The following MARCHF11 variants were observed in gnomAD, a reference collection of about 807,000 sequenced individuals.
The protein encoded by MARCHF11 is membrane associated ring-CH-type finger 11.
In MARCHF11, 29 loss-of-function variants were observed where a neutral mutation model predicts 37.3. The ratio of observed to expected loss-of-function variants is 0.78; its 90% CI spans 0.58 to 1.06. The LOEUF (loss-of-function observed/expected upper bound fraction) is 1.06. MARCHF11 is among the 50% of genes least tolerant of loss of function. The pLI is 0.00. For synonymous variants in MARCHF11, 233 were observed against 228.0 expected (o/e 1.02, Z -0.20); for missense variants, 482 against 533.4 (o/e 0.90, Z 0.95).
intron 2 of MARCHF11, among the ~76,000 whole-genome samples, chr5:16,153,532 A>C (rs1737921624): frequency 1.3e-5 from 2 of 152,016 alleles, no homozygotes; most frequent in African/African-American, 4.8e-5. Context: ...GAATGTAGAA[A>C]AGGTGGAATT....
At chr5:16,120,267 A>G (rs1477658970) in intron 2 of MARCHF11, among the ~76,000 whole-genome samples, 2 of 152,248 alleles carry the variant, frequency 1.3e-5, no homozygotes, top group African/African-American at 4.8e-5. Flanking sequence ...GCTTCCACTC[A>G]AGATGACTGA....
At chr5:16,072,752 G>T (rs563814301) in intron 3 of MARCHF11, among the ~76,000 whole-genome samples, 1 of 152,110 alleles carries the variant, frequency 6.6e-6, no homozygotes, top group Non-Finnish European at 1.5e-5. Context: ...TCAGGGGCTT[G>T]CATTTCCTGG....
At chr5:16,165,221 C>A (rs1385802512) in intron 2 of MARCHF11, among the ~76,000 whole-genome samples, 1 of 152,066 alleles carries the variant, frequency 6.6e-6, no homozygotes, top group Non-Finnish European at 1.5e-5. Flanking sequence ...TCTACCTGTT[C>A]TTGGCCTTCC....
At chr5:16,147,356 G>A (rs765434915) in intron 2 of MARCHF11, among the ~76,000 whole-genome samples, 3 of 152,148 alleles carry the variant, frequency 2.0e-5, no homozygotes, top group African/African-American at 2.4e-5. Context: ...ACCCCGTGAC[G>A]CAGTTACTAC....
chr5:16,119,428 C>T (rs1044498415), intron 2 of MARCHF11, among the ~76,000 whole-genome samples: 1 of 151,442 alleles, frequency 6.6e-6, no homozygotes, highest in African/African-American at 2.4e-5. Flanking sequence ...GAGCTTCCAA[C>T]AGAGCTGAGC....
At position 16,120,654 on chromosome 5, in the gene MARCHF11, G is replaced by A. The variant is rs73044653; in HGVS notation, c.694-29573C>T. Among the ~76,000 whole-genome samples the A allele has an allele frequency of 3.1e-3, 468 of 152,298 alleles. 1 individual carries two copies. The highest frequency in any genetic ancestry group is 9.7e-3 in the African/African-American group (405 of 41,572). On this transcript the variant is annotated intron_variant, in intron 2 of 3. Transcript: ENST00000332432. ...AGACTGCAAAACTGGCCACATGAGC[G>A]GCAGCTCCTCCCATCAAGAGCTGGA...
rs572217024 is a variant in MARCHF11 at position 16,160,275 on chromosome 5, T to C, written c.693+17451A>G. On this transcript the variant is annotated intron_variant, in intron 2 of 3. Coordinates refer to ENST00000332432, the MANE Select transcript of MARCHF11 (RefSeq NM_001102562.3). ...AATTTTATATTTTAATATATTTATATTAAATATTTAATATTTATATTTATA... is the reference window on the plus strand; with the variant it reads ...AATTTTATATTTTAATATATTTATACTAAATATTTAATATTTATATTTATA... Among the ~76,000 whole-genome samples, 417 of 145,538 alleles carry C rather than the reference T, an allele frequency of 2.9e-3. 3 individuals are homozygous for C. Among genetic ancestry groups the C allele is most frequent in the African/African-American group, 0.01 (409 of 40,472 alleles).
At chr5:16,092,624 C>A (rs566681857) in intron 2 of MARCHF11, among the ~76,000 whole-genome samples, 2 of 152,084 alleles carry the variant, frequency 1.3e-5, no homozygotes, top group Admixed American at 1.3e-4. Flanking sequence ...AGGACAAATA[C>A]CTAATGCCTG....
At position 16,117,400 on chromosome 5, in the gene MARCHF11, T is replaced by C. The variant is rs150573669; in HGVS notation, c.694-26319A>G. Among the ~76,000 whole-genome samples the C allele has an allele frequency of 4.7e-4, 71 of 152,360 alleles. No homozygotes were observed. The East Asian group carries it at 5.8e-3, about 12-fold the overall frequency. ...TAAAATGGTGCAAACTTTTCTTCAA[T>C]TGATTCATTTGGGTAGACATGTTTA... On this transcript the variant is annotated intron_variant, in intron 2 of 3. Transcript: ENST00000332432.
At chr5:16,132,613 A>G (rs535250897) in intron 2 of MARCHF11, among the ~76,000 whole-genome samples, 1 of 152,342 alleles carries the variant, frequency 6.6e-6, no homozygotes, top group African/African-American at 2.4e-5. Flanking sequence ...ATTTACATAC[A>G]AAGTGCTGGG....
intron 2 of MARCHF11, among the ~76,000 whole-genome samples, chr5:16,176,768 A>G (rs2126613145): frequency 1.3e-5 from 2 of 152,296 alleles, no homozygotes; most frequent in African/African-American, 4.8e-5. Flanking sequence ...ATAAAAACTA[A>G]ATTGGGTGAT....
At chr5:16,078,501 G>T (rs753476463) in intron 3 of MARCHF11, among the ~76,000 whole-genome samples, 11 of 151,930 alleles carry the variant, frequency 7.2e-5, no homozygotes, top group Non-Finnish European at 1.2e-4. Context: ...CCCAGAGTTT[G>T]TCTCCCCTGC....
At chr5:16,102,826 C>A (rs1389730746) in intron 2 of MARCHF11, among the ~76,000 whole-genome samples, 2 of 152,186 alleles carry the variant, frequency 1.3e-5, no homozygotes, top group African/African-American at 2.4e-5. Context: ...CCTGCCAGGA[C>A]CCAAAGGCAC....
chr5:16,140,794 G>A (rs775154485), intron 2 of MARCHF11, among the ~76,000 whole-genome samples: 1 of 152,098 alleles, frequency 6.6e-6, no homozygotes, highest in East Asian at 1.9e-4. Flanking sequence ...TACAAGGAGA[G>A]AAATATTTTC....
At chr5:16,093,307 G>T (rs1736814750) in intron 2 of MARCHF11, among the ~76,000 whole-genome samples, 1 of 152,146 alleles carries the variant, frequency 6.6e-6, no homozygotes, top group African/African-American at 2.4e-5. Flanking sequence ...TGTAATCTTA[G>T]GGGAGTAAAT....
intron 3 of MARCHF11, among the ~76,000 whole-genome samples, chr5:16,077,523 T>C (rs1736542347): frequency 1.3e-5 from 2 of 152,184 alleles, no homozygotes; most frequent in Admixed American, 6.5e-5. Context: ...GGTGGCTTCA[T>C]TTTTCACTTC....
At chr5:16,118,675 G>A (rs1351359581) in intron 2 of MARCHF11, among the ~76,000 whole-genome samples, 1 of 152,162 alleles carries the variant, frequency 6.6e-6, no homozygotes, top group African/African-American at 2.4e-5. Flanking sequence ...TAAGCCGTCA[G>A]CGAGATAAAA....
chr5:16,074,756 G>A (rs1736490356), intron 3 of MARCHF11, among the ~76,000 whole-genome samples: 1 of 152,110 alleles, frequency 6.6e-6, no homozygotes, highest in Non-Finnish European at 1.5e-5. Flanking sequence ...GACACAAAGG[G>A]GCTGGTTAAT....
intron 2 of MARCHF11, among the ~76,000 whole-genome samples, chr5:16,154,357 T>C (rs1469026952): frequency 6.6e-6 from 1 of 151,984 alleles, no homozygotes; most frequent in East Asian, 1.9e-4. Context: ...ACAGGCCACA[T>C]TTACATAAAT....
Sources: allele counts gnomAD v4.1 joint callset (sites outside exome capture counted in the v4.1 genomes callset), GRCh38; gene constraint gnomAD v4.1.1; transcripts MANE v1.5; gene names NCBI Gene and HGNC (gene_info 2026-07-23, HGNC 2026-07-21).